The following FOXN2 variants were observed in gnomAD, a reference collection of about 807,000 sequenced individuals.
FOXN2 encodes the protein forkhead box N2, also known as forkhead box protein N2.
FOXN2 carries 19 observed loss-of-function variants against 41.2 expected under a neutral mutation model. The observed-to-expected ratio is 0.46, with a 90% confidence interval of 0.32 to 0.68. The LOEUF (loss-of-function observed/expected upper bound fraction) is 0.68, where lower values mean the gene tolerates loss of function less well. Ranked by LOEUF, FOXN2 falls within the 30% of genes least tolerant of loss-of-function variation. The pLI, the probability that FOXN2 is intolerant of heterozygous loss-of-function variation, is 0.03. For missense variants in FOXN2, 587 were observed against 509.4 expected, an observed-to-expected ratio of 1.15 and a Z score of -1.47; for synonymous variants, 195 against 176.8, an observed-to-expected ratio of 1.10 and a Z score of -0.82.
chr2:48,362,029 T>C (rs1672221016), intron 4 of FOXN2, among the ~76,000 whole-genome samples: 1 of 151,910 alleles, frequency 6.6e-6, no homozygotes, highest in African/African-American at 2.4e-5. Flanking sequence ...GCATTATTAT[T>C]ATTTAATTAT....
At chr2:48,371,131 C>T (rs976485108) in intron 5 of FOXN2, among the ~76,000 whole-genome samples, 6 of 152,174 alleles carry the variant, frequency 3.9e-5, no homozygotes, top group African/African-American at 1.4e-4. Flanking sequence ...GGCGCGGTGG[C>T]TCATGCCTAT....
chr2:48,328,860 C>T (rs769003675), intron 2 of FOXN2, among the ~76,000 whole-genome samples, 158 bp downstream of exon 2: 4 of 152,004 alleles, frequency 2.6e-5, no homozygotes, highest in Non-Finnish European at 5.9e-5. Flanking sequence ...ACTCTAAGAG[C>T]TGTAGTGGTT....
intron 1 of FOXN2, among the ~76,000 whole-genome samples, chr2:48,321,577 G>A (rs991434242): frequency 6.6e-6 from 1 of 151,746 alleles, no homozygotes; most frequent in African/African-American, 2.4e-5. Flanking sequence ...AAGGGTAAAA[G>A]TATTATTTCA....
At chr2:48,325,473 T>C (rs1341928488) in intron 1 of FOXN2, among the ~76,000 whole-genome samples, 1 of 152,224 alleles carries the variant, frequency 6.6e-6, no homozygotes, top group East Asian at 1.9e-4. Context: ...AATGTGAGTG[T>C]ATGTGGAATA....
At chr2:48,354,306 A>G (rs1211651694) in intron 3 of FOXN2, among the ~76,000 whole-genome samples, 1 of 152,226 alleles carries the variant, frequency 6.6e-6, no homozygotes, top group Non-Finnish European at 1.5e-5. Context: ...AAAATATATA[A>G]TAAGTGCTGT....
intron 1 of FOXN2, among the ~76,000 whole-genome samples, chr2:48,315,566 C>T (rs1668854855): frequency 6.6e-6 from 1 of 152,176 alleles, no homozygotes. Flanking sequence ...GTCCTCTTTC[C>T]TGGCAAGGTG....
At chr2:48,363,633 A>G (rs1246396669) in intron 5 of FOXN2, among the ~76,000 whole-genome samples, 1 of 152,158 alleles carries the variant, frequency 6.6e-6, no homozygotes, top group Non-Finnish European at 1.5e-5. Flanking sequence ...AAATATTTGT[A>G]TAGTGTTTTT....
chr2:48,325,617 T>C (rs907248448), intron 1 of FOXN2, among the ~76,000 whole-genome samples: 1 of 152,322 alleles, frequency 6.6e-6, no homozygotes, highest in Middle Eastern at 3.4e-3. Context: ...GGAAAAATTA[T>C]GTACTAGCAG....
chr2:48,359,289 GTTTT>G, intron 4 of FOXN2, 142 bp downstream of exon 4: 1 of 598,280 alleles, frequency 1.7e-6, no homozygotes, highest in South Asian at 2.2e-5. Flanking sequence ...TTAGTTTTTA[GTTTT>G]TGTTTTTGTT....
chr2:48,366,206 A>G (rs1448501171), intron 5 of FOXN2, among the ~76,000 whole-genome samples: 1 of 152,102 alleles, frequency 6.6e-6, no homozygotes, highest in African/African-American at 2.4e-5. Context: ...AAAATACAAA[A>G]ATTAGCTGGG....
chr2:48,338,544 G>T (rs1399255763), intron 2 of FOXN2, among the ~76,000 whole-genome samples: 6 of 152,086 alleles, frequency 3.9e-5, no homozygotes, highest in Non-Finnish European at 7.4e-5. Context: ...CGGGACCACA[G>T]CCGCTCGCCA....
At chr2:48,367,599 A>G (rs1255837255) in intron 5 of FOXN2, among the ~76,000 whole-genome samples, 1 of 152,250 alleles carries the variant, frequency 6.6e-6, no homozygotes, top group Non-Finnish European at 1.5e-5. Flanking sequence ...GATAGAGACA[A>G]TAAATCCTTT....
At chr2:48,344,884 T>G (rs1248444638) in intron 2 of FOXN2, among the ~76,000 whole-genome samples, 4 of 138,784 alleles carry the variant, frequency 2.9e-5, no homozygotes, top group Non-Finnish European at 6.2e-5. Flanking sequence ...ATAAGTGGGT[T>G]GAATAGGATA....
At chr2:48,321,796 ATGTT>A (rs1409170562) in intron 1 of FOXN2, among the ~76,000 whole-genome samples, 1 of 152,166 alleles carries the variant, frequency 6.6e-6, no homozygotes, top group Non-Finnish European at 1.5e-5. Flanking sequence ...ATTTCATGAA[ATGTT>A]TGTTTTAGTT....
intron 2 of FOXN2, among the ~76,000 whole-genome samples, chr2:48,341,392 A>C (rs1325793324): frequency 6.6e-6 from 1 of 152,190 alleles, no homozygotes; most frequent in Non-Finnish European, 1.5e-5. Flanking sequence ...TCCTGAACAC[A>C]CTAAAATTGT....
chr2:48,360,601 G>T (rs1289169725), intron 4 of FOXN2, among the ~76,000 whole-genome samples: 1 of 152,050 alleles, frequency 6.6e-6, no homozygotes, highest in African/African-American at 2.4e-5. Context: ...ATTATAAAAA[G>T]AATAACTGAG....
chr2:48,371,469 G>A (rs142163884), intron 5 of FOXN2, among the ~76,000 whole-genome samples: 132 of 152,076 alleles, frequency 8.7e-4, no homozygotes, highest in Non-Finnish European at 1.5e-3. Flanking sequence ...TGGTCTATGT[G>A]TCTTATTTTT....
At chr2:48,324,194 A>ATTTT (rs11407371) in intron 1 of FOXN2, among the ~76,000 whole-genome samples, 21,091 of 132,124 alleles carry the variant, frequency 0.16, 2,194 homozygotes, top group South Asian at 0.32. Flanking sequence ...TTGCTCAGTA[A>ATTTT]TTTTTTTTTT....
chr2:48,329,860 T>C (rs1669921847), intron 2 of FOXN2, among the ~76,000 whole-genome samples: 1 of 152,112 alleles, frequency 6.6e-6, no homozygotes, highest in African/African-American at 2.4e-5. Flanking sequence ...ACATGAGGTT[T>C]ACCAGTGTTT....
Sources: gnomAD v4.1 joint callset for allele counts (sites outside exome capture counted in the v4.1 genomes callset) on GRCh38, gnomAD v4.1.1 for gene constraint, MANE v1.5 for transcripts, NCBI Gene and HGNC (gene_info 2026-07-23, HGNC 2026-07-21) for gene names.